Variants in UNC5D observed in about 807,000 individuals in gnomAD.
UNC5D encodes unc-5 netrin receptor D.
Under a neutral mutation model 105.4 loss-of-function variants are expected in UNC5D, and 39 were observed. The ratio of observed to expected loss-of-function variants is 0.37; its 90% CI spans 0.29 to 0.48. UNC5D has a LOEUF of 0.48. UNC5D is among the 20% of genes least tolerant of loss of function. The probability of loss-of-function intolerance (pLI) is 0.98; values close to 1 mark genes in which losing one functional copy is unlikely to be tolerated. For missense variants in UNC5D, 991 were observed against 1,202.4 expected, an observed-to-expected ratio of 0.82 and a Z score of 2.60; for synonymous variants, 452 against 450.4, an observed-to-expected ratio of 1.00 and a Z score of -0.04.
intron 1 of UNC5D, among the ~76,000 whole-genome samples, chr8:35,497,005 G>T (rs1811645056): frequency 6.6e-6 from 1 of 152,096 alleles, no homozygotes; most frequent in South Asian, 2.1e-4. Context: ...ATTAACAAAA[G>T]AAAAGCATAC....
At chr8:35,271,355 A>ACACGTGCATGTGTGTATGTATATG (rs1563267245) in intron 1 of UNC5D, among the ~76,000 whole-genome samples, 1 of 124,436 alleles carries the variant, frequency 8.0e-6, no homozygotes, top group East Asian at 2.4e-4. Flanking sequence ...ATGTATATGC[A>ACACGTGCATGTGTGTATGTATATG]TACACACGTG....
At chr8:35,385,010 A>T (rs1361682821) in intron 1 of UNC5D, among the ~76,000 whole-genome samples, 3 of 152,216 alleles carry the variant, frequency 2.0e-5, no homozygotes, top group Non-Finnish European at 4.4e-5. Flanking sequence ...TGTTGAAATT[A>T]TACCCACTTG....
chr8:35,583,082 TG>T (rs1818557772), intron 3 of UNC5D, among the ~76,000 whole-genome samples: 2 of 152,202 alleles, frequency 1.3e-5, no homozygotes, highest in African/African-American at 4.8e-5. Flanking sequence ...CTGGGTGCAG[TG>T]GCTCATGACT....
chr8:35,435,566 T>C (rs1324011837), intron 1 of UNC5D, among the ~76,000 whole-genome samples: 2 of 152,126 alleles, frequency 1.3e-5, no homozygotes, highest in East Asian at 3.9e-4. Context: ...CATTATAATA[T>C]TTCTAAGCAT....
At chr8:35,242,275 C>T (rs1044198761) in intron 1 of UNC5D, among the ~76,000 whole-genome samples, 1 of 152,030 alleles carries the variant, frequency 6.6e-6, no homozygotes, top group Non-Finnish European at 1.5e-5. Context: ...CTATGGCTTC[C>T]CAGTCAGATA....
At chr8:35,685,772 A>G (rs892651774) in intron 6 of UNC5D, among the ~76,000 whole-genome samples, 1 of 152,226 alleles carries the variant, frequency 6.6e-6, no homozygotes, top group African/African-American at 2.4e-5. Flanking sequence ...TGGCAGATCC[A>G]AGACAAGGAC....
At chr8:35,654,687 A>G (rs1363129704) in intron 4 of UNC5D, among the ~76,000 whole-genome samples, 1 of 151,996 alleles carries the variant, frequency 6.6e-6, no homozygotes, top group African/African-American at 2.4e-5. Context: ...TACTAGTAAG[A>G]TTTCTTTGCA....
intron 1 of UNC5D, 130 bp downstream of exon 1, chr8:35,236,017 G>A (rs1802435448): frequency 1.2e-6 from 1 of 809,956 alleles, no homozygotes. Flanking sequence ...AGCCCAACCG[G>A]ATGGGAGCCG....
At chr8:35,389,208 C>T (rs1045329099) in intron 1 of UNC5D, among the ~76,000 whole-genome samples, 4 of 152,208 alleles carry the variant, frequency 2.6e-5, no homozygotes, top group African/African-American at 9.6e-5. Flanking sequence ...GTATTCTGCT[C>T]TGATGTCTAA....
At chr8:35,769,635 A>C (rs1801921531) in intron 15 of UNC5D, among the ~76,000 whole-genome samples, 1 of 152,188 alleles carries the variant, frequency 6.6e-6, no homozygotes, top group Non-Finnish European at 1.5e-5. Flanking sequence ...GACTCACAGG[A>C]AAGACACACA....
chr8:35,672,260 A>G (rs1039459557), intron 4 of UNC5D, among the ~76,000 whole-genome samples: 1 of 152,216 alleles, frequency 6.6e-6, no homozygotes, highest in East Asian at 1.9e-4. Context: ...AAATGAAAAC[A>G]TAATTAATAT....
intron 1 of UNC5D, among the ~76,000 whole-genome samples, chr8:35,274,882 G>A (rs1044906199): frequency 6.6e-6 from 1 of 151,968 alleles, no homozygotes; most frequent in Non-Finnish European, 1.5e-5. Context: ...CTGAGGTTGG[G>A]AGTTTGAGAC....
At chr8:35,569,787 CT>C (rs1393164225) in intron 3 of UNC5D, among the ~76,000 whole-genome samples, 1 of 152,192 alleles carries the variant, frequency 6.6e-6, no homozygotes, top group East Asian at 1.9e-4. Context: ...GGGCATCTGA[CT>C]TGAGTCAAGA....
chr8:35,630,799 G>C (rs184588054), intron 4 of UNC5D, among the ~76,000 whole-genome samples: 1 of 152,072 alleles, frequency 6.6e-6, no homozygotes, highest in South Asian at 2.1e-4. Flanking sequence ...GTACTGGGGT[G>C]GGGGGGAATA....
intron 1 of UNC5D, among the ~76,000 whole-genome samples, chr8:35,426,889 C>A (rs1450627800): frequency 2.0e-5 from 3 of 152,110 alleles, no homozygotes; most frequent in African/African-American, 4.8e-5. Flanking sequence ...GGAAGGCATT[C>A]ATTTACCAAA....
chr8:35,756,149 G>A (rs576634106), intron 13 of UNC5D, among the ~76,000 whole-genome samples: 88 of 152,146 alleles, frequency 5.8e-4, no homozygotes, highest in African/African-American at 2.0e-3. Context: ...TCATTACCAG[G>A]CTTTTTCATT....
chr8:35,578,829 A>G (rs1818283189), intron 3 of UNC5D, among the ~76,000 whole-genome samples: 1 of 152,228 alleles, frequency 6.6e-6, no homozygotes, highest in South Asian at 2.1e-4. Context: ...CCACTAAGGC[A>G]GAAGTGTATT....
In UNC5D at chr8:35,558,720, C is replaced by T. The variant is rs145874995; in HGVS notation, c.322+9210C>T. ...TTTTCAGGCCGGGCGCAGTGGCTCA[C>T]GCCTGTAATCCAAGCACTTTGGGAG... On this transcript the variant is annotated intron_variant, in intron 2 of 16. Transcript: ENST00000404895. Among the ~76,000 whole-genome samples, 308 of 152,214 alleles carry T rather than the reference C, an allele frequency of 2.0e-3. 1 individual carries two copies. The highest frequency in any genetic ancestry group is 6.7e-3 in the African/African-American group (280 of 41,542).
chr8:35,432,199 A>G (rs1434531774), intron 1 of UNC5D, among the ~76,000 whole-genome samples: 1 of 152,160 alleles, frequency 6.6e-6, no homozygotes, highest in Non-Finnish European at 1.5e-5. Flanking sequence ...TCGTAATATT[A>G]TCGTGAGGAT....
Sources: gnomAD v4.1 joint callset for allele counts (sites outside exome capture counted in the v4.1 genomes callset) on GRCh38, gnomAD v4.1.1 for gene constraint, MANE v1.5 for transcripts, NCBI Gene and HGNC (gene_info 2026-07-23, HGNC 2026-07-21) for gene names.